Variants in ZMAT4 observed in about 807,000 individuals in gnomAD.
The protein encoded by ZMAT4 is zinc finger matrin-type protein 4.
A neutral mutation model predicts 28.7 loss-of-function variants in ZMAT4; 17 were observed. The ratio of observed to expected loss-of-function variants is 0.59; its 90% CI spans 0.41 to 0.89. The LOEUF is 0.89. Ranked by LOEUF, ZMAT4 falls within the 40% of genes least tolerant of loss-of-function variation. ZMAT4 has a pLI of 0.00. For synonymous variants in ZMAT4, 117 were observed against 109.2 expected (o/e 1.07, Z -0.44); for missense variants, 240 against 283.8 (o/e 0.85, Z 1.11).
chr8:40,686,188 T>C (rs918543326), intron 4 of ZMAT4, among the ~76,000 whole-genome samples: 3 of 152,056 alleles, frequency 2.0e-5, no homozygotes, highest in African/African-American at 7.2e-5. Flanking sequence ...TTTATTAAGA[T>C]GTATTAATTC....
rs532719086 is a variant in ZMAT4, at chr8:40,864,843, T to C, written c.-5+32840A>G. ...ACTATATGTCATAACATTTCAAAAA[T>C]TGAAAATGTACTGAAGCTGATTTGG... On this transcript the variant is annotated intron_variant, in intron 1 of 6. Transcript: ENST00000297737. Among the ~76,000 whole-genome samples, 76 of 152,296 alleles carry C rather than the reference T, an allele frequency of 5.0e-4. 1 individual carries two copies. The highest frequency in any genetic ancestry group is 1.8e-3 in the African/African-American group (74 of 41,552).
At chr8:40,872,120 G>T (rs1817879028) in intron 1 of ZMAT4, among the ~76,000 whole-genome samples, 1 of 152,142 alleles carries the variant, frequency 6.6e-6, no homozygotes, top group Non-Finnish European at 1.5e-5. Context: ...GACCTCTGAG[G>T]TTGCACTGAC....
chr8:40,814,557 A>G (rs1259311332), intron 2 of ZMAT4, among the ~76,000 whole-genome samples: 3 of 152,234 alleles, frequency 2.0e-5, no homozygotes, highest in Non-Finnish European at 4.4e-5. Flanking sequence ...AAGGGTTATC[A>G]GGCAATTCAA....
intron 6 of ZMAT4, among the ~76,000 whole-genome samples, chr8:40,550,138 C>A (rs1020406964): frequency 5.3e-5 from 8 of 152,056 alleles, no homozygotes; most frequent in Non-Finnish European, 1.2e-4. Context: ...GATGGGTTCT[C>A]TTGGGCCACT....
In ZMAT4 at chr8:40,581,236, G is replaced by A; in HGVS notation, c.603C>T (p.Thr201=). 4.3e-6 allele frequency: 7 copies of A among 1,613,430 alleles called. No homozygotes were observed. Among genetic ancestry groups the A allele is most frequent in the Non-Finnish European group, 5.9e-6 (7 of 1,179,542 alleles). ...TTGAGTTTAGGGAGACACTGCAGATGGTACATCTGTAATTGCGCCTCAGAC... is the reference window on the plus strand; with the variant it reads ...TTGAGTTTAGGGAGACACTGCAGATAGTACATCTGTAATTGCGCCTCAGAC... ...LRGLRRNYRC[T]ICSVSLNSIE... is the part of the protein sequence containing the mutation. Residue 201 remains threonine, a synonymous_variant, in exon 6 of 7, where the codon ACC becomes ACT. Coordinates refer to ENST00000297737, the MANE Select transcript of ZMAT4 (RefSeq NM_024645.3).
chr8:40,673,601 A>G (rs924643369), intron 5 of ZMAT4, among the ~76,000 whole-genome samples: 1 of 152,192 alleles, frequency 6.6e-6, no homozygotes, highest in African/African-American at 2.4e-5. Context: ...TTTCTGAGAA[A>G]AATGCATTTT....
chr8:40,754,335 T>C (rs1812584793), intron 3 of ZMAT4, among the ~76,000 whole-genome samples: 1 of 152,132 alleles, frequency 6.6e-6, no homozygotes, highest in African/African-American at 2.4e-5. Flanking sequence ...GGGAAAACAA[T>C]TATTTCCACA....
intron 4 of ZMAT4, 49 bp from the exon 5 acceptor site, chr8:40,674,980 G>C (rs375816766): frequency 2.5e-5 from 36 of 1,446,232 alleles, no homozygotes; most frequent in Non-Finnish European, 3.2e-5. Flanking sequence ...GTCCAACACT[G>C]AGTCCACTCT....
At chr8:40,650,842 T>C (rs1319027863) in intron 5 of ZMAT4, among the ~76,000 whole-genome samples, 1 of 151,788 alleles carries the variant, frequency 6.6e-6, no homozygotes, top group African/African-American at 2.4e-5. Flanking sequence ...ATTATCTCAA[T>C]AGATGCAGAA....
chr8:40,679,839 C>T (rs1012975518), intron 4 of ZMAT4, among the ~76,000 whole-genome samples: 4 of 152,170 alleles, frequency 2.6e-5, no homozygotes, highest in Non-Finnish European at 1.5e-5. Context: ...ATGCAACAGA[C>T]ACATAGTGTA....
intron 2 of ZMAT4, among the ~76,000 whole-genome samples, chr8:40,815,726 C>T (rs1336060607): frequency 1.3e-5 from 2 of 152,200 alleles, no homozygotes; most frequent in Admixed American, 6.5e-5. Flanking sequence ...GGCACACAGG[C>T]TCCAAGTTCC....
intron 1 of ZMAT4, among the ~76,000 whole-genome samples, chr8:40,850,615 C>T (rs1430118663): frequency 6.6e-6 from 1 of 152,144 alleles, no homozygotes; most frequent in African/African-American, 2.4e-5. Context: ...CATTTGTGGG[C>T]TGGCTAAATG....
chr8:40,810,607 G>T (rs528396207), intron 2 of ZMAT4, among the ~76,000 whole-genome samples: 2 of 152,130 alleles, frequency 1.3e-5, no homozygotes, highest in African/African-American at 4.8e-5. Flanking sequence ...TATGAAAAAT[G>T]GAAGTGTCAG....
At chr8:40,819,383 T>C (rs922464934) in intron 2 of ZMAT4, among the ~76,000 whole-genome samples, 1 of 152,180 alleles carries the variant, frequency 6.6e-6, no homozygotes, top group African/African-American at 2.4e-5. Flanking sequence ...ATGCTCAATG[T>C]ATTAATACAT....
intron 2 of ZMAT4, among the ~76,000 whole-genome samples, chr8:40,824,297 T>C (rs150093253): frequency 6.6e-6 from 1 of 152,160 alleles, no homozygotes; most frequent in Non-Finnish European, 1.5e-5. Flanking sequence ...AGTAAAAAAT[T>C]AGCTGAGTGC....
chr8:40,893,176 T>G (rs1170122154), intron 1 of ZMAT4, among the ~76,000 whole-genome samples: 2 of 152,176 alleles, frequency 1.3e-5, no homozygotes, highest in East Asian at 1.9e-4. Flanking sequence ...ATCCTGTGCT[T>G]CTTCTGTTAC....
At chr8:40,838,109 GC>G (rs1229058094) in intron 1 of ZMAT4, among the ~76,000 whole-genome samples, 1 of 152,226 alleles carries the variant, frequency 6.6e-6, no homozygotes, top group African/African-American at 2.4e-5. Flanking sequence ...TCTGGCAACA[GC>G]CCTGATGCTG....
Position 40,739,136 on chromosome 8 carries a change from G to A in ZMAT4, c.192+28505C>T, listed in dbSNP as rs185071461. Among the ~76,000 whole-genome samples, 9 of 152,234 alleles carry A rather than the reference G, an allele frequency of 5.9e-5. No individual in the cohort carries two copies. In the East Asian group the frequency reaches 1.5e-3, roughly 26 times the overall value. ...TTATAATGAAAATGCATTTAATGTG[G>A]AACGTGGGTGGATGTTAATACATTT... On this transcript the variant is annotated intron_variant, in intron 3 of 6. Coordinates refer to ENST00000297737, the MANE Select transcript of ZMAT4 (RefSeq NM_024645.3).
At chr8:40,671,755 C>T (rs367762440) in intron 5 of ZMAT4, among the ~76,000 whole-genome samples, 3 of 152,236 alleles carry the variant, frequency 2.0e-5, no homozygotes, top group East Asian at 3.9e-4. Context: ...ACTGTCAAAA[C>T]TCATAGAACT....
Sources: gnomAD v4.1 joint callset for allele counts (sites outside exome capture counted in the v4.1 genomes callset) on GRCh38, gnomAD v4.1.1 for gene constraint, MANE v1.5 for transcripts, NCBI Gene and HGNC (gene_info 2026-07-23, HGNC 2026-07-21) for gene names.